Variants in GRB14 observed in about 807,000 individuals in gnomAD.
GRB14 encodes growth factor receptor-bound protein 14.
GRB14 carries 38 observed loss-of-function variants against 69.1 expected under a neutral mutation model. That is an observed-to-expected ratio of 0.55 (90% CI 0.42 to 0.72). The LOEUF (loss-of-function observed/expected upper bound fraction) is 0.72. GRB14 is among the 30% of genes least tolerant of loss of function. The pLI, the probability that GRB14 is intolerant of heterozygous loss-of-function variation, is 0.00. For synonymous variants in GRB14, 247 were observed against 241.3 expected (o/e 1.02, Z -0.22); for missense variants, 666 against 666.1 (o/e 1.00, Z 0.00).
chr2:164,556,276 T>C (rs1688675986), intron 2 of GRB14, among the ~76,000 whole-genome samples: 2 of 152,190 alleles, frequency 1.3e-5, no homozygotes, highest in Non-Finnish European at 2.9e-5. Context: ...TTGCTAGCTG[T>C]CAAATATTTA....
chr2:164,620,354 T>A (rs1470438059), intron 1 of GRB14, among the ~76,000 whole-genome samples: 1 of 152,134 alleles, frequency 6.6e-6, no homozygotes, highest in Admixed American at 6.5e-5. Context: ...TCATTCACAA[T>A]GTTGCCCACA....
In GRB14 at chr2:164,494,434, T is replaced by A; in HGVS notation, c.1473A>T (p.Ile491=). The change falls in exon 13 of 14, where the codon ATA becomes ATT. Residue 491 remains isoleucine (I), a synonymous_variant. Transcript: ENST00000263915. ...HGQKIKHFQI[I]PVEDDGEMFH... ...TGTGAAATCACGAATTACTTACTGG[T>A]ATAATTTGAAAGTGCTTTATTTTTT... is the stretch of plus-strand genomic sequence containing the variant. 6.6e-7 allele frequency: 1 copy of A among 1,521,194 alleles called. No homozygotes were observed. The highest frequency in any genetic ancestry group is 9.1e-7 in the Non-Finnish European group (1 of 1,095,596). 94.2% of individuals were successfully genotyped at this position (1,521,194 alleles called of 1,614,324 possible). A position where few individuals can be genotyped will look rare whatever the true frequency, so the allele number is the denominator to read the frequency against.
chr2:164,565,458 T>C (rs1429669012), intron 2 of GRB14, among the ~76,000 whole-genome samples: 1 of 152,206 alleles, frequency 6.6e-6, no homozygotes, highest in Non-Finnish European at 1.5e-5. Flanking sequence ...CATTTCCATA[T>C]TAATTTCAGG....
chr2:164,599,469 T>G (rs1047570733), intron 2 of GRB14, among the ~76,000 whole-genome samples: 5 of 152,210 alleles, frequency 3.3e-5, no homozygotes, highest in Admixed American at 3.3e-4. Flanking sequence ...CAATGTTTCA[T>G]AGCAGAAACT....
chr2:164,611,878 C>T (rs1690174681), intron 2 of GRB14, among the ~76,000 whole-genome samples: 1 of 152,020 alleles, frequency 6.6e-6, no homozygotes, highest in African/African-American at 2.4e-5. Flanking sequence ...TAAGAGGGAG[C>T]TTCTAGGGCT....
chr2:164,541,822 A>G (rs1688246927), intron 3 of GRB14, among the ~76,000 whole-genome samples: 1 of 152,164 alleles, frequency 6.6e-6, no homozygotes, highest in African/African-American at 2.4e-5. Context: ...AAGTGAGCAC[A>G]GTACTCGACA....
chr2:164,508,504 T>C lies in GRB14; in HGVS notation c.974A>G (p.Glu325Gly), dbSNP rs1191766081. 40 of 1,614,128 alleles carry C rather than the reference T, an allele frequency of 2.5e-5. No individual in the cohort carries two copies. Among genetic ancestry groups the C allele is most frequent in the Non-Finnish European group, 3.3e-5 (39 of 1,180,000 alleles). The change falls in exon 8 of 14, where the codon GAA becomes GGA. Residue 325 changes from glutamate (E) to glycine (G), a missense_variant. Transcript: ENST00000263915. Reference sequence around the variant, plus strand: ...CCAGCACGTCCTACTCTGCTCTTCTTCTGCACAGAGCATTTTCAGGTCTCG... The same window carrying C: ...CCAGCACGTCCTACTCTGCTCTTCTCCTGCACAGAGCATTTTCAGGTCTCG... ...GPRDLKMLCA[E>G]EEQSRTCWVT...
At chr2:164,584,517 T>C (rs1320441578) in intron 2 of GRB14, among the ~76,000 whole-genome samples, 1 of 152,060 alleles carries the variant, frequency 6.6e-6, no homozygotes, top group Non-Finnish European at 1.5e-5. Context: ...AACAGTTTCA[T>C]TTCCTGAACA....
chr2:164,500,062 T>C lies in GRB14; in HGVS notation c.1104+2193A>G, dbSNP rs538396274. The stretch of plus-strand genomic sequence containing the variant: ...TAGAGTGGGAAATACAGTGGAGGAA[T>C]TGCAGTTTAGAATGTCTATCCTCAG... On this transcript the variant is annotated intron_variant, in intron 9 of 13. Transcript: ENST00000263915. Among the ~76,000 whole-genome samples, 5 of 152,256 alleles carry C rather than the reference T, an allele frequency of 3.3e-5. No homozygotes were observed. The East Asian group carries it at 7.7e-4, about 24-fold the overall frequency.
At chr2:164,600,041 CTAAAT>C (rs1689877148) in intron 2 of GRB14, among the ~76,000 whole-genome samples, 1 of 152,144 alleles carries the variant, frequency 6.6e-6, no homozygotes. Flanking sequence ...CTTTAATAGT[CTAAAT>C]TAAATTGATA....
chr2:164,531,566 A>G (rs1228072134), intron 3 of GRB14, among the ~76,000 whole-genome samples: 6 of 152,184 alleles, frequency 3.9e-5, no homozygotes, highest in African/African-American at 1.2e-4. Flanking sequence ...TCAATTTTTG[A>G]CAAATATAAT....
chr2:164,500,993 A>AT (rs1687034898), intron 9 of GRB14, among the ~76,000 whole-genome samples: 1 of 152,120 alleles, frequency 6.6e-6, no homozygotes, highest in African/African-American at 2.4e-5. Context: ...CATCCTAATA[A>AT]TTTTGGACTC....
intron 2 of GRB14, among the ~76,000 whole-genome samples, chr2:164,564,906 T>C (rs1294210882): frequency 1.3e-5 from 2 of 152,084 alleles, no homozygotes; most frequent in Non-Finnish European, 1.5e-5. Context: ...TCCCAGCTAC[T>C]GAGGAGGCTG....
chr2:164,602,607 A>C (rs889297717), intron 2 of GRB14, among the ~76,000 whole-genome samples: 1 of 152,242 alleles, frequency 6.6e-6, no homozygotes, highest in Admixed American at 6.5e-5. Context: ...TGATCATCTA[A>C]CAAAGATTTT....
chr2:164,617,372 C>A (rs546803972), intron 2 of GRB14, among the ~76,000 whole-genome samples: 1 of 152,170 alleles, frequency 6.6e-6, no homozygotes, highest in East Asian at 1.9e-4. Flanking sequence ...GAGCAGGAAA[C>A]CTATTGGGGT....
At chr2:164,532,899 G>A (rs1687984347) in intron 3 of GRB14, among the ~76,000 whole-genome samples, 1 of 152,148 alleles carries the variant, frequency 6.6e-6, no homozygotes, top group Non-Finnish European at 1.5e-5. Context: ...TCTGCCCTCT[G>A]GGAAACGAGG....
At chr2:164,576,983 A>G (rs767774227) in intron 2 of GRB14, among the ~76,000 whole-genome samples, 16 of 152,102 alleles carry the variant, frequency 1.1e-4, no homozygotes, top group Non-Finnish European at 2.2e-4. Flanking sequence ...GATAAGAATC[A>G]TAAGAGACTA....
intron 2 of GRB14, among the ~76,000 whole-genome samples, chr2:164,587,189 G>C (rs914482917): frequency 6.6e-6 from 1 of 152,078 alleles, no homozygotes; most frequent in Non-Finnish European, 1.5e-5. Flanking sequence ...CAAGAAATCA[G>C]ACTGGCAAAA....
intron 6 of GRB14, among the ~76,000 whole-genome samples, chr2:164,509,806 A>AC (rs1441189817): frequency 4.0e-5 from 6 of 151,014 alleles, no homozygotes; most frequent in South Asian, 2.1e-4. Context: ...AAAAAAAAAA[A>AC]AAAAAAACAC....
Sources: allele counts gnomAD v4.1 joint callset (sites outside exome capture counted in the v4.1 genomes callset), GRCh38; gene constraint gnomAD v4.1.1; transcripts MANE v1.5; gene names NCBI Gene and HGNC (gene_info 2026-07-23, HGNC 2026-07-21).